Variants in COL6A6 observed in about 807,000 individuals in gnomAD.
COL6A6 encodes collagen alpha-6(VI) chain.
COL6A6 carries 183 observed loss-of-function variants against 208.6 expected under a neutral mutation model. The observed-to-expected ratio is 0.88, with a 90% CI of 0.78 to 0.99. The LOEUF is 0.99. Ranked by LOEUF, COL6A6 falls within the 50% of genes least tolerant of loss-of-function variation. COL6A6 has a pLI of 0.00. For synonymous variants in COL6A6, 973 were observed against 1,011.8 expected, an observed-to-expected ratio of 0.96 and a Z score of 0.73; for missense variants, 2,816 against 2,815.2, an observed-to-expected ratio of 1.00 and a Z score of -0.01.
At chr3:130,543,303 C>G (rs1285950796) in intron 1 of COL6A6, among the ~76,000 whole-genome samples, 1 of 152,166 alleles carries the variant, frequency 6.6e-6, no homozygotes, top group Admixed American at 6.5e-5. Flanking sequence ...GACAAACTGT[C>G]TTTTAATTGG....
At chr3:130,672,624 G>C (rs571400695) in intron 36 of COL6A6, among the ~76,000 whole-genome samples, 1 of 151,724 alleles carries the variant, frequency 6.6e-6, no homozygotes, top group Admixed American at 6.6e-5. Flanking sequence ...GGCTGGTCTC[G>C]AACTCCTGAC....
At chr3:130,671,420 C>T (rs1050598734) in intron 36 of COL6A6, among the ~76,000 whole-genome samples, 1 of 152,172 alleles carries the variant, frequency 6.6e-6, no homozygotes, top group African/African-American at 2.4e-5. Context: ...TCAGCTTCTC[C>T]TATGTATTTG....
chr3:130,592,470 C>T (rs2063741271), intron 13 of COL6A6, 71 bp from the exon 14 acceptor site: 1 of 1,262,954 alleles, frequency 7.9e-7, no homozygotes, highest in Non-Finnish European at 1.1e-6. Flanking sequence ...TAACAAAAAA[C>T]TTGTCAAGTT....
At chr3:130,588,987 C>A in intron 11 of COL6A6, 103 bp from the exon 12 acceptor site, 1 of 646,786 alleles carries the variant, frequency 1.5e-6, no homozygotes, top group Non-Finnish European at 2.6e-6. Flanking sequence ...GGTGACCAGG[C>A]TTCTGAAACT....
At chr3:130,614,301 C>T (rs564227935) in intron 23 of COL6A6, among the ~76,000 whole-genome samples, 39 of 152,082 alleles carry the variant, frequency 2.6e-4, no homozygotes, top group African/African-American at 8.4e-4. Flanking sequence ...ATTTACATGA[C>T]GAATCACATT....
chr3:130,591,429 C>G (rs2063713994), intron 13 of COL6A6, among the ~76,000 whole-genome samples: 1 of 152,106 alleles, frequency 6.6e-6, no homozygotes, highest in Non-Finnish European at 1.5e-5. Context: ...ATCAAGGACC[C>G]CACTCTTTCT....
At chr3:130,642,423 G>A (rs1414065738) in intron 29 of COL6A6, among the ~76,000 whole-genome samples, 1 of 152,148 alleles carries the variant, frequency 6.6e-6, no homozygotes, top group Admixed American at 6.5e-5. Context: ...GTCAAAGAAT[G>A]GGGGTTGAAG....
intron 1 of COL6A6, among the ~76,000 whole-genome samples, chr3:130,539,451 T>C (rs2062304105): frequency 6.6e-6 from 1 of 152,042 alleles, no homozygotes; most frequent in African/African-American, 2.4e-5. Context: ...CTGACCAACA[T>C]AGGGAAACCC....
At chr3:130,609,490 A>G (rs2064288715) in intron 22 of COL6A6, among the ~76,000 whole-genome samples, 1 of 152,188 alleles carries the variant, frequency 6.6e-6, no homozygotes, top group Non-Finnish European at 1.5e-5. Flanking sequence ...AACAAGCCAT[A>G]CTTGGCTGTT....
chr3:130,565,662 CT>C (rs1373765205), intron 4 of COL6A6, 48 bp downstream of exon 4: 8 of 1,534,316 alleles, frequency 5.2e-6, no homozygotes, highest in Non-Finnish European at 7.0e-6. Context: ...TTTTTTTCTT[CT>C]CTTTCAAATA....
intron 35 of COL6A6, among the ~76,000 whole-genome samples, chr3:130,663,983 A>G (rs1227796173): frequency 6.6e-6 from 1 of 152,232 alleles, no homozygotes; most frequent in Non-Finnish European, 1.5e-5. Context: ...CGCATTCAAC[A>G]TTAACATATA....
In COL6A6 at chr3:130,675,433, G is replaced by T; in HGVS notation, c.*36G>T. ...GAACAACTTAGCCTTAGGAAGCATG[G>T]TAAGACTCTGGACTTAAATAGTAAC... On this transcript the variant is annotated 3_prime_UTR_variant, in exon 37 of 37. Transcript: ENST00000358511. 6.9e-7 allele frequency: 1 copy of T among 1,451,972 alleles called. No individual in the cohort carries two copies. The highest frequency in any genetic ancestry group is 1.4e-5 in the South Asian group (1 of 72,170). The allele number at this position is 1,451,972 out of a possible 1,614,324, so 89.9% of individuals were successfully genotyped here. A position where few individuals can be genotyped will look rare whatever the true frequency, so the allele number is the denominator to read the frequency against.
chr3:130,575,048 C>T (rs1290852563), intron 8 of COL6A6, among the ~76,000 whole-genome samples: 1 of 152,054 alleles, frequency 6.6e-6, no homozygotes, highest in East Asian at 1.9e-4. Flanking sequence ...AGTAAAGTGT[C>T]TTAAAGGAGA....
intron 1 of COL6A6, among the ~76,000 whole-genome samples, chr3:130,534,708 A>C (rs1237571089): frequency 6.6e-6 from 1 of 152,016 alleles, no homozygotes; most frequent in Non-Finnish European, 1.5e-5. Flanking sequence ...TTTTAGCTAC[A>C]CTTGATTTTA....
intron 13 of COL6A6, 110 bp downstream of exon 13, chr3:130,591,204 T>G (rs550205925): frequency 4.0e-5 from 33 of 820,600 alleles, no homozygotes; most frequent in Non-Finnish European, 5.9e-5. Context: ...TAAGGATTCG[T>G]GTACAGAATC....
chr3:130,537,995 A>G (rs9851011), intron 1 of COL6A6, among the ~76,000 whole-genome samples: 109,518 of 151,828 alleles, frequency 0.72, 42,446 homozygotes, highest in Non-Finnish European at 0.87. Context: ...ATTTCCAGTG[A>G]AAGATAATTA....
At chr3:130,668,692 A>G (rs1283907340) in intron 36 of COL6A6, among the ~76,000 whole-genome samples, 1 of 152,212 alleles carries the variant, frequency 6.6e-6, no homozygotes, top group East Asian at 1.9e-4. Flanking sequence ...TGTTCAATTT[A>G]TGAGGAAGAT....
chr3:130,595,280 A>C (rs1285989124), intron 18 of COL6A6, among the ~76,000 whole-genome samples: 1 of 152,196 alleles, frequency 6.6e-6, no homozygotes. Context: ...ACACTTAAGT[A>C]AGTCTCCAAA....
chr3:130,531,468 C>A (rs1046825142), intron 1 of COL6A6, among the ~76,000 whole-genome samples: 1 of 152,168 alleles, frequency 6.6e-6, no homozygotes, highest in Non-Finnish European at 1.5e-5. Flanking sequence ...CCCCCTAGTT[C>A]ACTCCCATTG....
Sources: gnomAD v4.1 joint callset for allele counts (sites outside exome capture counted in the v4.1 genomes callset) on GRCh38, gnomAD v4.1.1 for gene constraint, MANE v1.5 for transcripts, NCBI Gene and HGNC (gene_info 2026-07-23, HGNC 2026-07-21) for gene names.